KMT2C: variants seen among roughly 807,000 people sequenced by gnomAD.
KMT2C encodes the protein lysine methyltransferase 2C.
A neutral mutation model predicts 507.9 loss-of-function variants in KMT2C; 88 were observed. The ratio of observed to expected loss-of-function variants is 0.17; its 90% CI spans 0.15 to 0.21. The LOEUF (loss-of-function observed/expected upper bound fraction) is 0.21, where lower values mean the gene tolerates loss of function less well. Among genes scored for constraint, KMT2C ranks in the 10% least tolerant of loss-of-function variants. KMT2C has a pLI of 1.00. For synonymous variants in KMT2C, 2,049 were observed against 2,080.8 expected, an observed-to-expected ratio of 0.98 and a Z score of 0.42; for missense variants, 4,954 against 5,957.8, an observed-to-expected ratio of 0.83 and a Z score of 5.55.
rs1423343429 is a variant in KMT2C at position 152,187,474 on chromosome 7, T to C, written c.4796A>G (p.Asp1599Gly). The C allele has an allele frequency of 6.8e-6, 11 of 1,610,124 alleles. No individual in the cohort carries two copies. Among genetic ancestry groups the C allele is most frequent in the Non-Finnish European group, 9.3e-6 (11 of 1,176,994 alleles). The change falls in exon 33 of 59, where the codon GAT becomes GGT. Residue 1599 changes from aspartate (D) to glycine (G), a missense_variant and splice_region_variant. Around this residue, in one of 29 missense-constraint regions of KMT2C, gnomAD observed 195 missense variants for 183.7 expected, o/e 1.06. Coordinates refer to ENST00000262189, the MANE Select transcript of KMT2C (RefSeq NM_170606.3). Reference protein sequence around the residue: ...IAQSSYPDARDKNSAFNPMAS... With the variant: ...IAQSSYPDARGKNSAFNPMAS... The stretch of plus-strand genomic sequence containing the variant: ...CATTGGATTAAAGGCTGAATTTTTA[T>C]CCCTGGGAAAAAATAAATATCTTTA...
intron 1 of KMT2C, among the ~76,000 whole-genome samples, chr7:152,418,519 C>T (rs908658039): frequency 1.3e-5 from 2 of 152,122 alleles, no homozygotes; most frequent in African/African-American, 4.8e-5. Context: ...CAACCTCCAC[C>T]TCCCGGATTC....
intron 6 of KMT2C, 155 bp downstream of exon 6, chr7:152,309,811 A>C: frequency 1.3e-5 from 7 of 544,432 alleles, no homozygotes; most frequent in East Asian, 3.3e-5. Flanking sequence ...GTGAGCCACC[A>C]TACCTGGCCT....
At chr7:152,184,769 C>T (rs945809065) in intron 34 of KMT2C, among the ~76,000 whole-genome samples, 1 of 152,132 alleles carries the variant, frequency 6.6e-6, no homozygotes, top group African/African-American at 2.4e-5. Context: ...CTCCTGTATA[C>T]TTTCTCCCTT....
chr7:152,288,202 TAAACA>T (rs112799881), intron 6 of KMT2C, among the ~76,000 whole-genome samples: 1 of 132,286 alleles, frequency 7.6e-6, no homozygotes, highest in South Asian at 2.5e-4. Flanking sequence ...TTACCCAACC[TAAACA>T]AGAGAAGAAA....
At chr7:152,340,564 CTATCTT>C (rs901615671) in intron 2 of KMT2C, among the ~76,000 whole-genome samples, 4 of 152,212 alleles carry the variant, frequency 2.6e-5, no homozygotes, top group African/African-American at 9.6e-5. Context: ...TTTATTAACA[CTATCTT>C]TATTCACTAA....
At position 152,144,256 on chromosome 7, in the gene KMT2C, G is replaced by A. The variant is rs1042420673; in HGVS notation, c.14343+457C>T. 6.6e-5 allele frequency among the ~76,000 whole-genome samples: 10 copies of A among 152,294 alleles called. No homozygotes were observed. The highest frequency in any genetic ancestry group is 2.2e-4 in the African/African-American group (9 of 41,552). Reference sequence around the variant, plus strand: ...AACTTAAATGCTTAGCCTATACACGGCCTTACTTGTAAGATAGTCCACAGT... The same window carrying A: ...AACTTAAATGCTTAGCCTATACACGACCTTACTTGTAAGATAGTCCACAGT... On this transcript the variant is annotated intron_variant, in intron 55 of 58. Transcript: ENST00000262189. This position sits in a 1 kb window ranked among gnomAD's most constrained non-coding sequence, Gnocchi z 4.4.
chr7:152,297,055 C>CAGACAGACAGAGAGAGAGAGAGAG (rs1315629061), intron 6 of KMT2C, among the ~76,000 whole-genome samples: 6 of 84,406 alleles, frequency 7.1e-5, no homozygotes, highest in Non-Finnish European at 1.1e-4. Flanking sequence ...GAAAGAAAGA[C>CAGACAGACAGAGAGAGAGAGAGAG]AGAGAGAGAG....
In KMT2C at chr7:152,162,347, C is replaced by A. The variant is rs1422414680; in HGVS notation, c.11230G>T (p.Val3744Leu). The A allele has an allele frequency of 8.7e-6, 14 of 1,614,108 alleles. No individual in the cohort carries two copies. Among genetic ancestry groups the A allele is most frequent in the Non-Finnish European group, 1.2e-5 (14 of 1,180,050 alleles). Reference sequence around the variant, plus strand: ...GGACAGGCTACAGCGTTTCCTTCTACCTTACTACCATTCTGTTCCTCCAAT... The same window carrying A: ...GGACAGGCTACAGCGTTTCCTTCTAACTTACTACCATTCTGTTCCTCCAAT... ...PKLEEQNGSK[V>L]EGNAVACPVS... The change falls in exon 43 of 59, where the codon GTA becomes TTA. Residue 3744 changes from valine (V) to leucine (L), a missense_variant. Coordinates refer to ENST00000262189, the MANE Select transcript of KMT2C (RefSeq NM_170606.3).
At chr7:152,385,947 G>A (rs1453182126) in intron 1 of KMT2C, among the ~76,000 whole-genome samples, 1 of 151,754 alleles carries the variant, frequency 6.6e-6, no homozygotes, top group Non-Finnish European at 1.5e-5. Context: ...AATTAGCCTG[G>A]CGTGGTAGCA....
At chr7:152,341,088 T>C (rs756633975) in intron 2 of KMT2C, among the ~76,000 whole-genome samples, 1 of 152,202 alleles carries the variant, frequency 6.6e-6, no homozygotes, top group African/African-American at 2.4e-5. Flanking sequence ...TCTACCAATA[T>C]TGATCTTCTT....
chr7:152,392,786 A>G (rs1041682164), intron 1 of KMT2C, among the ~76,000 whole-genome samples: 2 of 152,220 alleles, frequency 1.3e-5, no homozygotes, highest in Admixed American at 6.5e-5. Flanking sequence ...CAAAACCTCC[A>G]AAAAACACTG....
intron 3 of KMT2C, among the ~76,000 whole-genome samples, chr7:152,328,665 G>A (rs1367184653): frequency 6.6e-6 from 1 of 152,124 alleles, no homozygotes; most frequent in Admixed American, 6.5e-5. Flanking sequence ...TTGGACTATG[G>A]AAAGGTAAAG....
intron 6 of KMT2C, among the ~76,000 whole-genome samples, chr7:152,308,828 C>A (rs956603051): frequency 2.0e-5 from 3 of 151,882 alleles, no homozygotes; most frequent in Admixed American, 6.6e-5. Context: ...CCCATCTCTA[C>A]ATTTTAAGAA....
intron 26 of KMT2C, among the ~76,000 whole-genome samples, chr7:152,200,669 G>A (rs1043502054): frequency 2.6e-5 from 4 of 152,204 alleles, no homozygotes; most frequent in African/African-American, 7.2e-5. Flanking sequence ...GGCAGAGGTT[G>A]CAGTGAGCTG....
intron 57 of KMT2C, 122 bp downstream of exon 57, chr7:152,139,064 G>T (rs943926624): frequency 3.9e-6 from 4 of 1,036,210 alleles, no homozygotes; most frequent in Non-Finnish European, 5.9e-6. Context: ...CAACTCATTT[G>T]CTCTGAATGT....
chr7:152,162,813 C>A lies in KMT2C; in HGVS notation c.10764G>T (p.Ser3588=). 7 of 1,614,096 alleles carry A rather than the reference C, an allele frequency of 4.3e-6. No individual in the cohort carries two copies. Among genetic ancestry groups the A allele is most frequent in the Non-Finnish European group, 5.9e-6 (7 of 1,180,040 alleles). ...HGHSYPGSTQ[S]LIQLYSDIIP... ...TTATATCAGAATACAACTGAATGAG[C>A]GATTGGGTTGATCCCGGATAACTGT... The change falls in exon 43 of 59, where the codon TCG becomes TCT. Residue 3588 remains serine, a synonymous_variant. Transcript: ENST00000262189.
chr7:152,386,969 T>C (rs2097434488), intron 1 of KMT2C, among the ~76,000 whole-genome samples: 2 of 152,282 alleles, frequency 1.3e-5, no homozygotes, highest in African/African-American at 2.4e-5. Flanking sequence ...TTATATAGAA[T>C]TTTGTTAAGT....
intron 1 of KMT2C, among the ~76,000 whole-genome samples, chr7:152,409,618 C>G (rs573633594): frequency 4.0e-5 from 6 of 151,570 alleles, no homozygotes; most frequent in African/African-American, 1.5e-4. Context: ...GTAGTCCCAG[C>G]TTCTTGGGAG....
chr7:152,181,105 T>G lies in KMT2C; in HGVS notation c.6755A>C (p.Gln2252Pro), dbSNP rs2093421121. 6.2e-7 allele frequency: 1 copy of G among 1,614,152 alleles called. No individual in the cohort carries two copies. The highest frequency in any genetic ancestry group is 8.5e-7 in the Non-Finnish European group (1 of 1,180,034). ...VLMPNQDPFL[Q>P]AAQNRGPALP... ...AGCTGGTCCTCGGTTTTGTGCTGCTTGCAGGAAAGGATCCTGATTTGGCAT... is the reference window on the plus strand; with the variant it reads ...AGCTGGTCCTCGGTTTTGTGCTGCTGGCAGGAAAGGATCCTGATTTGGCAT... The change falls in exon 36 of 59, where the codon CAA becomes CCA. Residue 2252 changes from glutamine (Q) to proline (P), a missense_variant. Physicochemically the swap from Gln to Pro is moderately conservative, Grantham distance 76. Transcript: ENST00000262189.
Sources: allele counts gnomAD v4.1 joint callset (sites outside exome capture counted in the v4.1 genomes callset), GRCh38; gene constraint gnomAD v4.1.1; regional missense constraint gnomAD v4.1.1; non-coding constraint Gnocchi (gnomAD v3.1); transcripts MANE v1.5; gene names NCBI Gene and HGNC (gene_info 2026-07-23, HGNC 2026-07-21).